SLC30A10: variants seen among roughly 807,000 people sequenced by gnomAD.
SLC30A10 encodes calcium/manganese antiporter SLC30A10.
A neutral mutation model predicts 21.7 loss-of-function variants in SLC30A10; 8 were observed. The observed-to-expected ratio is 0.37, with a 90% CI of 0.22 to 0.67. SLC30A10 has a LOEUF of 0.67. SLC30A10 is among the 30% of genes least tolerant of loss of function. The probability of loss-of-function intolerance (pLI) is 0.58; values close to 1 mark genes in which losing one functional copy is unlikely to be tolerated. For synonymous variants in SLC30A10, 272 were observed against 279.4 expected (o/e 0.97, Z 0.26); for missense variants, 521 against 642.5 (o/e 0.81, Z 2.04).
Position 219,928,186 on chromosome 1 carries a change from G to C in SLC30A10, c.255C>G (p.Asn85Lys). The C allele has an allele frequency of 1.3e-6, 2 of 1,559,168 alleles. No homozygotes were observed. Among genetic ancestry groups the C allele is most frequent in the Non-Finnish European group, 1.7e-6 (2 of 1,151,598 alleles). ...AGCAGAGCGCGGTGAGGAAGACCGC[G>C]TTGCTCAGCGCGCCCACCACCTCGG... ...ARAEVVGALS[N>K]AVFLTALCFT... The change falls in exon 1 of 4, where the codon AAC (asparagine) becomes AAG (lysine). Residue 85 changes from asparagine (N) to lysine (K), a missense_variant. Coordinates refer to ENST00000366926, the MANE Select transcript of SLC30A10 (RefSeq NM_018713.3). This position sits in a 1 kb window ranked among gnomAD's most constrained non-coding sequence, Gnocchi z 6.3.
At chr1:219,937,134 T>C (rs1366852621) in intron 1 of SLC30A10, among the ~76,000 whole-genome samples, 1 of 152,140 alleles carries the variant, frequency 6.6e-6, no homozygotes, top group Admixed American at 6.5e-5. Flanking sequence ...AATTCATAAG[T>C]TCGTGTTTTA....
At chr1:219,922,203 T>G (rs1389960962) in intron 2 of SLC30A10, among the ~76,000 whole-genome samples, 919 of 62,392 alleles carry the variant, frequency 0.015, 111 homozygotes, top group East Asian at 0.086. Flanking sequence ...TTTTTTTTTT[T>G]TTTTTTTTTT....
chr1:219,955,315 A>C (rs1254314670), intron 1 of SLC30A10, among the ~76,000 whole-genome samples: 1 of 152,070 alleles, frequency 6.6e-6, no homozygotes, highest in Non-Finnish European at 1.5e-5. Context: ...TTTGCCTCTC[A>C]CTTTAGCCAA....
At position 219,927,678 on chromosome 1, in the gene SLC30A10, C is replaced by CAAAA. The variant is rs111682715; in HGVS notation, c.640+119_640+122dup. On this transcript the variant is annotated intron_variant, in intron 1 of 3. Coordinates refer to ENST00000366926, the MANE Select transcript of SLC30A10 (RefSeq NM_018713.3). ...AAAAAAAAAAAAAAAACAACAACAA[C>CAAAA]AAAAAAAAAAAAACAGAAAAAAAGC... 10 of 319,392 alleles carry CAAAA rather than the reference C, an allele frequency of 3.1e-5. No homozygotes were observed. In the Admixed American group the frequency reaches 3.3e-4, roughly 11 times the overall value. 19.8% of individuals were successfully genotyped at this position (319,392 alleles called of 1,614,324 possible).
chr1:219,917,708 C>CTTTTTTTTTT (rs35106027), intron 3 of SLC30A10, among the ~76,000 whole-genome samples: 30 of 104,108 alleles, frequency 2.9e-4, no homozygotes, highest in African/African-American at 7.7e-4. Flanking sequence ...TTTTTCTTTC[C>CTTTTTTTTTT]TTTTTTTTTT....
At chr1:219,920,109 G>A (rs1659643159) in intron 2 of SLC30A10, among the ~76,000 whole-genome samples, 1 of 151,970 alleles carries the variant, frequency 6.6e-6, no homozygotes, top group African/African-American at 2.4e-5. Context: ...AAAAATACAG[G>A]AATAAAAAGA....
intron 1 of SLC30A10, among the ~76,000 whole-genome samples, chr1:219,940,867 G>C (rs879518521): frequency 3.4e-4 from 52 of 152,326 alleles, no homozygotes; most frequent in Admixed American, 3.3e-3. Flanking sequence ...CTAACTCAGA[G>C]AGGTGAGGGT....
chr1:219,938,298 A>G (rs1660073674), intron 1 of SLC30A10, among the ~76,000 whole-genome samples: 1 of 152,194 alleles, frequency 6.6e-6, no homozygotes, highest in African/African-American at 2.4e-5. Context: ...TTAGGGGAAC[A>G]CTGCATTCCC....
At chr1:219,953,759 T>G (rs932529327) in intron 1 of SLC30A10, among the ~76,000 whole-genome samples, 1 of 151,712 alleles carries the variant, frequency 6.6e-6, no homozygotes, top group Admixed American at 6.6e-5. Context: ...CAGGCTGGAG[T>G]GCAGTGGCCC....
At chr1:219,953,243 G>C (rs543862785) in intron 1 of SLC30A10, among the ~76,000 whole-genome samples, 2 of 152,126 alleles carry the variant, frequency 1.3e-5, no homozygotes, top group Non-Finnish European at 2.9e-5. Context: ...TTCTGCCTCC[G>C]ATCTAGAAAG....
intron 1 of SLC30A10, among the ~76,000 whole-genome samples, chr1:219,956,103 G>A (rs1322276259): frequency 6.6e-6 from 1 of 152,152 alleles, no homozygotes; most frequent in East Asian, 1.9e-4. Flanking sequence ...AGACATAAAT[G>A]CTAACAAGCC....
At chr1:219,929,572 G>A (rs1333412614), upstream of SLC30A10, among the ~76,000 whole-genome samples, 1 of 151,810 alleles carries the variant, frequency 6.6e-6, no homozygotes, top group African/African-American at 2.4e-5. Context: ...CCAGGCTGGA[G>A]TGCAATGGCG....
chr1:219,947,234 C>T (rs1660198215), intron 1 of SLC30A10, among the ~76,000 whole-genome samples: 1 of 152,106 alleles, frequency 6.6e-6, no homozygotes, highest in African/African-American at 2.4e-5. Flanking sequence ...TATACTTTAT[C>T]AAAAACTACA....
chr1:219,933,055 C>A (rs1659991780), upstream of SLC30A10, among the ~76,000 whole-genome samples: 1 of 137,024 alleles, frequency 7.3e-6, no homozygotes. Flanking sequence ...GAGCAAAACT[C>A]CGTCTAAAAA....
chr1:219,913,632 T>C lies in SLC30A10; in HGVS notation c.*1817A>G, dbSNP rs1221012693. 6.6e-6 allele frequency: 1 copy of C among 152,198 alleles called. No homozygotes were observed. Among genetic ancestry groups the C allele is most frequent in the Non-Finnish European group, 1.5e-5 (1 of 68,026 alleles). The allele number at this position is 152,198 out of a possible 1,614,324, so 9.4% of individuals were successfully genotyped here. On this transcript the variant is annotated 3_prime_UTR_variant, in exon 4 of 4. Transcript: ENST00000366926. The stretch of plus-strand genomic sequence containing the variant: ...TGAGTACATGCCACACTTTTAATAC[T>C]AAAAATAGAAATTCTTACTTATTAA...
chr1:219,926,998 GATTTCAAATA>G lies in SLC30A10; in HGVS notation c.718+20_718+29del, dbSNP rs951032159. ...ACAGTCCATGTGTGTCATAGAAAGG[GATTTCAAATA>G]GGCCCAAAGTCAATCCTACCTCTGA... On this transcript the variant is annotated intron_variant, in intron 2 of 3. Coordinates refer to ENST00000366926, the MANE Select transcript of SLC30A10 (RefSeq NM_018713.3). 6.5e-7 allele frequency: 1 copy of G among 1,529,248 alleles called. No individual in the cohort carries two copies. Among genetic ancestry groups the G allele is most frequent in the Non-Finnish European group, 9.0e-7 (1 of 1,105,634 alleles). 94.7% of individuals were successfully genotyped at this position (1,529,248 alleles called of 1,614,324 possible).
chr1:219,936,926 T>C (rs1182922857), intron 1 of SLC30A10, among the ~76,000 whole-genome samples: 1 of 152,230 alleles, frequency 6.6e-6, no homozygotes, highest in African/African-American at 2.4e-5. Flanking sequence ...TCAAATTGAT[T>C]TGATGCTCAC....
intron 2 of SLC30A10, among the ~76,000 whole-genome samples, chr1:219,919,285 T>C (rs1412396297): frequency 1.3e-5 from 2 of 152,222 alleles, no homozygotes; most frequent in Non-Finnish European, 2.9e-5. Context: ...AGAAAAATTA[T>C]AAAATATAAA....
Position 219,927,922 on chromosome 1 carries a change from C to G in SLC30A10, c.519G>C (p.Ala173=). The change falls in exon 1 of 4, where the codon GCG becomes GCC. Residue 173 remains alanine, a synonymous_variant. Transcript: ENST00000366926. ...VPGAFGGPQG[A]EDPRRAADPT... ...GGTCCGCCGCGCGCCGCGGGTCCTC[C>G]GCGCCCTGAGGCCCCCCGAAAGCGC... 4 of 1,538,284 alleles carry G rather than the reference C, an allele frequency of 2.6e-6. No individual in the cohort carries two copies. Among genetic ancestry groups the G allele is most frequent in the Non-Finnish European group, 3.5e-6 (4 of 1,142,208 alleles).
Sources: allele counts gnomAD v4.1 joint callset (sites outside exome capture counted in the v4.1 genomes callset), GRCh38; gene constraint gnomAD v4.1.1; non-coding constraint Gnocchi (gnomAD v3.1); transcripts MANE v1.5; gene names NCBI Gene and HGNC (gene_info 2026-07-23, HGNC 2026-07-21).